PGAP6: variants seen among roughly 807,000 people sequenced by gnomAD.
PGAP6 encodes the protein post-GPI attachment to proteins factor 6.
In PGAP6, 62 loss-of-function variants were observed where a neutral mutation model predicts 68.4. The ratio of observed to expected loss-of-function variants is 0.91; its 90% CI spans 0.74 to 1.12. PGAP6 has a LOEUF of 1.12. Ranked by LOEUF, PGAP6 falls within the 50% of genes most tolerant of loss-of-function variation. PGAP6 has a pLI of 0.00. For synonymous variants in PGAP6, 575 were observed against 474.0 expected, an observed-to-expected ratio of 1.21 and a Z score of -2.77; for missense variants, 1,188 against 1,068.5, an observed-to-expected ratio of 1.11 and a Z score of -1.56.
upstream of PGAP6, among the ~76,000 whole-genome samples, chr16:383,924 G>T (rs2054465327): frequency 6.6e-6 from 1 of 152,232 alleles, no homozygotes; most frequent in African/African-American, 2.4e-5. Flanking sequence ...GGAGGGTGTT[G>T]GCCGGGGAGG....
rs975873405 is a variant in PGAP6, at chr16:374,473, C to T, written c.1577-74G>A. ...CAGGGCCCACCCCTCACCCAGGACC[C>T]TGCAGAGAAGCCCCTTCCTCACCCA... is the stretch of plus-strand genomic sequence containing the variant. On this transcript the variant is annotated intron_variant, in intron 9 of 12. Transcript: ENST00000431232. 1.1e-5 allele frequency: 16 copies of T among 1,428,864 alleles called. No individual in the cohort carries two copies. In the African/African-American group the frequency reaches 2.3e-4, roughly 20 times the overall value. 88.5% of individuals were successfully genotyped at this position (1,428,864 alleles called of 1,614,324 possible).
At chr16:383,917 G>A (rs923866690), upstream of PGAP6, among the ~76,000 whole-genome samples, 27 of 152,228 alleles carry the variant, frequency 1.8e-4, no homozygotes, top group African/African-American at 6.5e-4. Context: ...CGGAGGTGGA[G>A]GGTGTTGGCC....
chr16:381,593 C>T (rs1413156906), intron 1 of PGAP6, 108 bp downstream of exon 1: 2 of 936,040 alleles, frequency 2.1e-6, no homozygotes, highest in Non-Finnish European at 2.7e-6. Context: ...GACCCCCAAC[C>T]CCGCGCCGGC....
Position 374,398 on chromosome 16 carries a change from GC to G in PGAP6, c.1577del (p.Gly526AlafsTer107). 1.3e-6 allele frequency: 2 copies of G among 1,566,656 alleles called. No homozygotes were observed. Among genetic ancestry groups the G allele is most frequent in the East Asian group, 4.5e-5 (2 of 44,322 alleles). ...YLYASCSCKA[G>X]WRGWSCTDNS... is the part of the protein sequence containing the mutation. ...TGTCCGTGCAGCTCCACCCACGCCA[GC>G]CTGCGGTCACAAAACCCCGACGCGG... On this transcript the variant is annotated frameshift_variant and splice_region_variant, in exon 10 of 13. Transcript: ENST00000431232. LOFTEE classifies it high-confidence loss of function.
chr16:378,207 G>GCCATCGCCACCCAC (rs1567325676), intron 1 of PGAP6, among the ~76,000 whole-genome samples: 37 of 53,872 alleles, frequency 6.9e-4, no homozygotes, highest in Non-Finnish European at 9.6e-4. Context: ...TCGCCACCCT[G>GCCATCGCCACCCAC]ACTGCCATCG....
At position 372,628 on chromosome 16, in the gene PGAP6, T is replaced by A. The variant is rs1450361870; in HGVS notation, c.2002A>T (p.Ile668Phe). ...CTCCTTACCCACATGGAGGCCATGA[T>A]CACGAAGGCAAAGAGGCAGGGCCCC... ...MLGPCLFAFV[I>F]MASMWAYRCG... is the part of the protein sequence containing the mutation. Residue 668 changes from isoleucine (I) to phenylalanine (F), a missense_variant, in exon 12 of 13, where the codon ATC becomes TTC. Ile to Phe is a conservative substitution (Grantham distance 21). Coordinates refer to ENST00000431232, the MANE Select transcript of PGAP6 (RefSeq NM_021259.3). The A allele has an allele frequency of 2.2e-5, 35 of 1,611,802 alleles. No individual in the cohort carries two copies. Among genetic ancestry groups the A allele is most frequent in the Non-Finnish European group, 3.0e-5 (35 of 1,179,708 alleles).
At chr16:378,970 GC>G (rs906292105) in intron 1 of PGAP6, among the ~76,000 whole-genome samples, 1 of 152,208 alleles carries the variant, frequency 6.6e-6, no homozygotes, top group African/African-American at 2.4e-5. Flanking sequence ...CTCACCCCCA[GC>G]CCCCCGTGCC....
intron 11 of PGAP6, among the ~76,000 whole-genome samples, chr16:373,653 C>T (rs1246674852): frequency 2.0e-5 from 3 of 152,270 alleles, no homozygotes; most frequent in South Asian, 2.1e-4. Context: ...GATCCTCCCA[C>T]CTTAGTCTCC....
In PGAP6 at chr16:377,458, C is replaced by CG. The variant is rs749318080; in HGVS notation, c.426dup (p.Val143ArgfsTer40). 6.2e-7 allele frequency: 1 copy of CG among 1,610,824 alleles called. No individual in the cohort carries two copies. Among genetic ancestry groups the CG allele is most frequent in the Non-Finnish European group, 8.5e-7 (1 of 1,179,032 alleles). On this transcript the variant is annotated frameshift_variant, in exon 3 of 13. Coordinates refer to ENST00000431232, the MANE Select transcript of PGAP6 (RefSeq NM_021259.3). LOFTEE classifies it high-confidence loss of function. ...CCGGGGGCCGGGTGGGAAACGTTGA[C>CG]GGAGGCATTGCTTCTCGGTGTGGTG...
intron 11 of PGAP6, 92 bp from the exon 12 acceptor site, chr16:372,819 G>A (rs1278259897): frequency 2.2e-6 from 2 of 890,262 alleles, no homozygotes; most frequent in East Asian, 2.5e-5. Context: ...CAGCACCTCT[G>A]CCTGCCCCCT....
intron 1 of PGAP6, among the ~76,000 whole-genome samples, chr16:380,546 A>G (rs2054428115): frequency 6.6e-6 from 1 of 151,902 alleles, no homozygotes; most frequent in Non-Finnish European, 1.5e-5. Flanking sequence ...TTGTATTCTT[A>G]GTAGAGAAGG....
Position 375,422 on chromosome 16 carries a change from T to C in PGAP6, c.1238A>G (p.Asn413Ser), listed in dbSNP as rs1313170596. ...CACGCAGGCCACTACGACGGTCTCG[T>C]TCCGCATCTCTGTCTGGAAAGGGAG... Reference protein sequence around the residue: ...SLRANKTEMRNETVVVACVNA... With the variant: ...SLRANKTEMRSETVVVACVNA... Residue 413 changes from asparagine to serine, a missense_variant, in exon 7 of 13, where the codon AAC (asparagine) becomes AGC (serine). Asn to Ser is a conservative substitution (Grantham distance 46, BLOSUM62 1). Transcript: ENST00000431232. 2 of 1,612,260 alleles carry C rather than the reference T, an allele frequency of 1.2e-6. No individual in the cohort carries two copies. Among genetic ancestry groups the C allele is most frequent in the African/African-American group, 2.7e-5 (2 of 74,902 alleles).
rs1477585304 is a variant in PGAP6 at position 371,307 on chromosome 16, C to T, written c.*680G>A. The T allele has an allele frequency of 6.6e-6, 1 of 152,334 alleles. No homozygotes were observed. Among genetic ancestry groups the T allele is most frequent in the Non-Finnish European group, 1.5e-5 (1 of 68,226 alleles). 9.4% of individuals were successfully genotyped at this position (152,334 alleles called of 1,614,324 possible). On this transcript the variant is annotated 3_prime_UTR_variant, in exon 13 of 13. Coordinates refer to ENST00000431232, the MANE Select transcript of PGAP6 (RefSeq NM_021259.3). ...GGGTGGACAGGGCTGGGTAGGGGTT[C>T]CTTCTGGGCCAAACCCCCAGAGCAG...
Position 371,694 on chromosome 16 carries a change from C to T in PGAP6, c.*293G>A. The T allele has an allele frequency of 4.8e-6, 2 of 414,604 alleles. No homozygotes were observed. The highest frequency in any genetic ancestry group is 9.0e-6 in the Non-Finnish European group (2 of 223,378). The allele number at this position is 414,604 out of a possible 1,614,324, so 25.7% of individuals were successfully genotyped here. On this transcript the variant is annotated 3_prime_UTR_variant, in exon 13 of 13. Transcript: ENST00000431232. ...CCACAGGCCAGCAGAGCACACAGCC[C>T]CACCCTCGCACAGGCACCTGTGGTC...
chr16:375,002 C>A (rs959101126), intron 8 of PGAP6, 110 bp from the exon 9 acceptor site: 14 of 1,578,372 alleles, frequency 8.9e-6, no homozygotes, highest in Non-Finnish European at 1.2e-5. Context: ...GGGCCCCCAG[C>A]TTTCAGCAGC....
At chr16:386,616 G>T (rs2054486140), upstream of PGAP6, 1 of 336,504 alleles carries the variant, frequency 3.0e-6, no homozygotes, top group Admixed American at 4.7e-5. Context: ...CAGAGTTTTG[G>T]GGCTTTTTTA....
chr16:374,943 C>T (rs1567323476), intron 8 of PGAP6, 51 bp from the exon 9 acceptor site: 1 of 1,608,822 alleles, frequency 6.2e-7, no homozygotes, highest in Admixed American at 1.7e-5. Context: ...GACAGCCCAG[C>T]TGCCACCAGC....
rs1334018614 is a variant in PGAP6, at chr16:372,581, G to A, written c.2019+30C>T. 2.6e-6 allele frequency: 4 copies of A among 1,544,512 alleles called. No homozygotes were observed. In the Admixed American group the frequency reaches 5.0e-5, roughly 19 times the overall value. The stretch of plus-strand genomic sequence containing the variant: ...CAGGCTCTCTTCTCCGAGCACCTGG[G>A]CAGCAGTGCCAGCCAGCCCGGCTCC... On this transcript the variant is annotated intron_variant, in intron 12 of 12. Coordinates refer to ENST00000431232, the MANE Select transcript of PGAP6 (RefSeq NM_021259.3).
intron 1 of PGAP6, among the ~76,000 whole-genome samples, chr16:380,644 G>A (rs138491856): frequency 2.6e-5 from 4 of 152,352 alleles, no homozygotes; most frequent in Admixed American, 2.0e-4. Flanking sequence ...GGGATTGCAG[G>A]CGTGAGCTTC....
Sources: gnomAD v4.1 joint callset for allele counts (sites outside exome capture counted in the v4.1 genomes callset) on GRCh38, gnomAD v4.1.1 for gene constraint, MANE v1.5 for transcripts, NCBI Gene and HGNC (gene_info 2026-07-23, HGNC 2026-07-21) for gene names.